The following DMD variants were observed in gnomAD, a reference collection of about 807,000 sequenced individuals.
The protein encoded by DMD is mutant dystrophin.
In DMD, 63 loss-of-function variants were observed where a neutral mutation model predicts 330.1. The observed-to-expected ratio is 0.19, with a 90% CI of 0.16 to 0.24. The LOEUF (loss-of-function observed/expected upper bound fraction) is 0.24, where lower values mean the gene tolerates loss of function less well. Ranked by LOEUF, DMD falls within the 10% of genes least tolerant of loss-of-function variation. The pLI, the probability that DMD is intolerant of heterozygous loss-of-function variation, is 1.00. For synonymous variants in DMD, 1,223 were observed against 959.8 expected (o/e 1.27, Z -5.07); for missense variants, 3,344 against 2,684.1 (o/e 1.25, Z -5.43).
intron 47 of DMD, among the ~76,000 whole-genome samples, chrX:31,911,076 G>A (rs1444742468): frequency 8.9e-6 from 1 of 111,911 alleles, no homozygotes; most frequent in African/African-American, 3.3e-5. Context: ...AGCAAGACAG[G>A]AAGAGAAAAA....
intron 9 of DMD, among the ~76,000 whole-genome samples, chrX:32,649,838 T>G (rs759046496): frequency 9.0e-6 from 1 of 111,030 alleles, no homozygotes; most frequent in Non-Finnish European, 1.9e-5. Flanking sequence ...TTAACCTCTC[T>G]GCATCTCAGT....
At chrX:32,877,884 C>T (rs779409960) in intron 2 of DMD, among the ~76,000 whole-genome samples, 6 of 111,807 alleles carry the variant, frequency 5.4e-5, no homozygotes, top group East Asian at 2.8e-4. Flanking sequence ...ACTTTGCCTG[C>T]GATTGCTCCT....
At chrX:31,908,310 C>T (rs1239356092) in intron 47 of DMD, among the ~76,000 whole-genome samples, 3 of 111,719 alleles carry the variant, frequency 2.7e-5, no homozygotes, top group Non-Finnish European at 5.6e-5. Flanking sequence ...GACTTGGAAC[C>T]AACCCAAATG....
intron 60 of DMD, among the ~76,000 whole-genome samples, chrX:31,428,175 G>T (rs1477932151): frequency 8.9e-6 from 1 of 111,855 alleles, no homozygotes; most frequent in East Asian, 2.8e-4. Flanking sequence ...TGGATGTGGG[G>T]CCCGGTGGGG....
intron 48 of DMD, among the ~76,000 whole-genome samples, chrX:31,843,682 T>C (rs777411703): frequency 8.9e-6 from 1 of 111,829 alleles, no homozygotes; most frequent in South Asian, 3.7e-4. Context: ...CTGTTGATAG[T>C]TTCTTTTGCT....
At chrX:32,613,247 A>T (rs1332301263) in intron 12 of DMD, among the ~76,000 whole-genome samples, 5 of 111,331 alleles carry the variant, frequency 4.5e-5, no homozygotes, top group Non-Finnish European at 7.6e-5. Context: ...GTGTCTGCTA[A>T]ATGTGGCAAC....
chrX:33,014,009 C>G (rs777414843), intron 2 of DMD, among the ~76,000 whole-genome samples: 2 of 111,978 alleles, frequency 1.8e-5, no homozygotes, highest in South Asian at 7.4e-4. Context: ...GGAAAATCAC[C>G]CTTCAAAAAC....
At chrX:31,425,619 T>G (rs1397047005) in intron 60 of DMD, among the ~76,000 whole-genome samples, 1 of 110,310 alleles carries the variant, frequency 9.1e-6, no homozygotes, top group Non-Finnish European at 1.9e-5. Context: ...CAGTTCTAGT[T>G]GACACATAAG....
intron 30 of DMD, among the ~76,000 whole-genome samples, chrX:32,405,630 T>G (rs150365046): frequency 0.01 from 1,134 of 111,807 alleles, 18 homozygotes; most frequent in African/African-American, 0.035. Context: ...GTGGTACCAG[T>G]ACCATGCTGT....
intron 9 of DMD, among the ~76,000 whole-genome samples, chrX:32,679,633 G>A (rs2062226810): frequency 9.0e-6 from 1 of 110,644 alleles, no homozygotes; most frequent in Admixed American, 9.7e-5. Context: ...CTCTAAAGAT[G>A]GGGGTGATGA....
At chrX:31,882,898 G>T (rs763707397) in intron 47 of DMD, among the ~76,000 whole-genome samples, 2 of 111,858 alleles carry the variant, frequency 1.8e-5, no homozygotes, top group Non-Finnish European at 3.8e-5. Context: ...GAACTGAAAT[G>T]ACCACACTGA....
At chrX:33,107,137 C>T in intron 1 of DMD, among the ~76,000 whole-genome samples, 1 of 111,505 alleles carries the variant, frequency 9.0e-6, no homozygotes, top group East Asian at 2.8e-4. Flanking sequence ...CATGGTGAAA[C>T]CCCGTCTCTA....
rs1220503573 is a variant in DMD at position 32,452,439 on chromosome X, GGGAAAGGAAAGGAAAGGAAA to G, written c.3603+2203_3603+2222del. Among the ~76,000 whole-genome samples the G allele has an allele frequency of 4.3e-3, 52 of 12,192 alleles. 7 individuals carry two copies. The highest frequency in any genetic ancestry group is 3.3e-3 in the Non-Finnish European group (21 of 6,298). 10.6% of individuals were successfully genotyped at this position (12,192 alleles called of 115,157 possible). ...AGGGAAAGGGAAAGGGAAAGGGAAA[GGGAAAGGAAAGGAAAGGAAA>G]GGAAAGGAAAGGAAAGGAAAGGAAA... is the stretch of plus-strand genomic sequence containing the variant. On this transcript the variant is annotated intron_variant, in intron 26 of 78. Transcript: ENST00000357033.
chrX:32,944,833 T>C (rs1323766665), intron 2 of DMD, among the ~76,000 whole-genome samples: 1 of 110,721 alleles, frequency 9.0e-6, no homozygotes, highest in Non-Finnish European at 1.9e-5. Context: ...CTCGAACTCC[T>C]GACCTCAGGT....
chrX:32,492,662 T>C (rs1260714208), intron 19 of DMD, among the ~76,000 whole-genome samples: 1 of 112,374 alleles, frequency 8.9e-6, no homozygotes, highest in Non-Finnish European at 1.9e-5. Flanking sequence ...GTTAAAATAT[T>C]CAAACTCTCT....
At chrX:31,868,096 C>G (rs2093830494) in intron 48 of DMD, among the ~76,000 whole-genome samples, 1 of 111,404 alleles carries the variant, frequency 9.0e-6, no homozygotes, top group African/African-American at 3.3e-5. Context: ...GCTTAAATAA[C>G]TTCGAGATTA....
At chrX:31,756,835 C>T (rs1393782424) in intron 51 of DMD, among the ~76,000 whole-genome samples, 1 of 111,994 alleles carries the variant, frequency 8.9e-6, no homozygotes, top group Non-Finnish European at 1.9e-5. Flanking sequence ...GGCAACAATG[C>T]TATGTCTTTA....
intron 1 of DMD, among the ~76,000 whole-genome samples, chrX:33,324,309 T>A (rs940402336): frequency 1.8e-5 from 2 of 110,871 alleles, no homozygotes; most frequent in African/African-American, 6.6e-5. Context: ...TTGAGACCAC[T>A]AGGAGAATGA....
In DMD at chrX:32,361,401, C is replaced by T. The variant is rs143906018; in HGVS notation, c.5325+1387G>A. Among the ~76,000 whole-genome samples, 146 of 111,524 alleles carry T rather than the reference C, an allele frequency of 1.3e-3. 1 individual carries two copies. The highest frequency in any genetic ancestry group is 4.5e-3 in the African/African-American group (139 of 30,808). ...CTAAGTTCTCTCATGCTGTCTCTCT[C>T]CATATGTAGAGAATATAGCCTTTTA... is the stretch of plus-strand genomic sequence containing the variant. On this transcript the variant is annotated intron_variant, in intron 37 of 78. Transcript: ENST00000357033.
Sources: gnomAD v4.1 joint callset for allele counts (sites outside exome capture counted in the v4.1 genomes callset) on GRCh38, gnomAD v4.1.1 for gene constraint, MANE v1.5 for transcripts, NCBI Gene and HGNC (gene_info 2026-07-23, HGNC 2026-07-21) for gene names.